The following GADL1 variants were observed in gnomAD, a reference collection of about 807,000 sequenced individuals.
The protein encoded by GADL1 is acidic amino acid decarboxylase GADL1.
GADL1 carries 71 observed loss-of-function variants against 69.5 expected under a neutral mutation model. The ratio of observed to expected loss-of-function variants is 1.02; its 90% confidence interval spans 0.84 to 1.25. GADL1 has a LOEUF of 1.25. Ranked by LOEUF, GADL1 falls within the 50% of genes most tolerant of loss-of-function variation. The pLI is 0.00. For synonymous variants in GADL1, 254 were observed against 214.4 expected, an observed-to-expected ratio of 1.18 and a Z score of -1.62; for missense variants, 737 against 631.8, an observed-to-expected ratio of 1.17 and a Z score of -1.79.
intron 13 of GADL1, among the ~76,000 whole-genome samples, chr3:30,780,774 TTTGAAAGC>T (rs1696649260): frequency 6.6e-6 from 1 of 152,208 alleles, no homozygotes; most frequent in African/African-American, 2.4e-5. Context: ...TGCTACAACA[TTTGAAAGC>T]TTATAAAGCC....
chr3:30,768,035 A>AAC (rs1696324670), intron 14 of GADL1, among the ~76,000 whole-genome samples: 5 of 142,756 alleles, frequency 3.5e-5, no homozygotes, highest in African/African-American at 5.4e-5. Context: ...AACTCCCCAT[A>AAC]CCCCCCCCCC....
intron 11 of GADL1, among the ~76,000 whole-genome samples, chr3:30,818,540 T>A (rs1486416075): frequency 6.6e-6 from 1 of 152,178 alleles, no homozygotes; most frequent in Non-Finnish European, 1.5e-5. Flanking sequence ...TATTTCATGT[T>A]ATTGTGAATT....
intron 11 of GADL1, among the ~76,000 whole-genome samples, chr3:30,805,081 CATA>C (rs1380946471): frequency 6.6e-6 from 1 of 152,194 alleles, no homozygotes; most frequent in Non-Finnish European, 1.5e-5. Context: ...ACCTAGCGCA[CATA>C]ATAATGACCA....
intron 2 of GADL1, among the ~76,000 whole-genome samples, chr3:30,858,224 A>G (rs934449947): frequency 3.9e-5 from 6 of 152,044 alleles, no homozygotes; most frequent in African/African-American, 1.4e-4. Context: ...GTGTTGAATA[A>G]CTGAATGGAT....
intron 11 of GADL1, among the ~76,000 whole-genome samples, chr3:30,830,946 T>G (rs1697778453): frequency 6.6e-6 from 1 of 151,716 alleles, no homozygotes; most frequent in Non-Finnish European, 1.5e-5. Context: ...TTCTCTCTCA[T>G]CTCCCATAAT....
At chr3:30,734,429 G>A (rs756586510) in intron 14 of GADL1, among the ~76,000 whole-genome samples, 1 of 152,178 alleles carries the variant, frequency 6.6e-6, no homozygotes, top group African/African-American at 2.4e-5. Context: ...TCCTTTACAC[G>A]TGCAGCTCAC....
At chr3:30,861,824 G>A (rs1698325636) in intron 1 of GADL1, 59 bp from the exon 2 acceptor site, 13 of 1,136,812 alleles carry the variant, frequency 1.1e-5, no homozygotes, top group Non-Finnish European at 1.6e-5. Context: ...ACATAACAAA[G>A]CACGGGACAA....
rs983522340 is a variant in GADL1, at chr3:30,861,022, A to G, written c.210+571T>C. On this transcript the variant is annotated intron_variant, in intron 2 of 14. Transcript: ENST00000282538. Reference sequence around the variant, plus strand: ...AGTAGATGTCATTAGCGGCGGTTCTAATATCAATTTGAATTGAATTTGAGC... The same window carrying G: ...AGTAGATGTCATTAGCGGCGGTTCTGATATCAATTTGAATTGAATTTGAGC... Among the ~76,000 whole-genome samples the G allele has an allele frequency of 7.9e-5, 12 of 152,122 alleles. No individual in the cohort carries two copies. In the East Asian group the frequency reaches 1.9e-3, roughly 25 times the overall value.
chr3:30,770,912 C>T (rs916382366), intron 14 of GADL1, among the ~76,000 whole-genome samples: 3 of 152,236 alleles, frequency 2.0e-5, no homozygotes, highest in Non-Finnish European at 4.4e-5. Context: ...AGTTACTATC[C>T]ACAAAACACA....
intron 14 of GADL1, among the ~76,000 whole-genome samples, chr3:30,765,182 A>C (rs304838): frequency 2.0e-4 from 31 of 152,016 alleles, no homozygotes; most frequent in African/African-American, 6.5e-4. Flanking sequence ...CTCCCCTAAC[A>C]TGTCTTCCTT....
intron 1 of GADL1, among the ~76,000 whole-genome samples, chr3:30,878,671 A>G (rs934189813): frequency 6.6e-6 from 1 of 151,906 alleles, no homozygotes; most frequent in African/African-American, 2.4e-5. Context: ...TGGCAACTGC[A>G]CTTATCCAAA....
intron 14 of GADL1, among the ~76,000 whole-genome samples, chr3:30,754,129 G>A (rs1695906426): frequency 6.6e-6 from 1 of 152,146 alleles, no homozygotes; most frequent in Non-Finnish European, 1.5e-5. Flanking sequence ...TCCCAAATAA[G>A]TAAAAACCCT....
At chr3:30,784,721 T>C (rs2125499027) in intron 13 of GADL1, among the ~76,000 whole-genome samples, 1 of 152,308 alleles carries the variant, frequency 6.6e-6, no homozygotes, top group African/African-American at 2.4e-5. Context: ...ATTCCTCTCT[T>C]CTCATGACAT....
intron 14 of GADL1, among the ~76,000 whole-genome samples, chr3:30,745,021 A>G (rs1188311930): frequency 3.9e-5 from 6 of 152,350 alleles, no homozygotes; most frequent in Non-Finnish European, 5.9e-5. Context: ...TCCAGGAGCC[A>G]TTGAAGAACA....
rs1289479426 is a variant in GADL1, at chr3:30,861,604, C to T, written c.199G>A (p.Val67Ile). 5.2e-6 allele frequency: 8 copies of T among 1,546,958 alleles called. No individual in the cohort carries two copies. In the East Asian group the frequency reaches 7.3e-5, roughly 14 times the overall value. ...GTTTTAATTTTTACCTTCTCATTGA[C>T]ATCTGTAGCTTTCAAAACCACCTCT... ...MEEVVLKATDVNEKVCEWRPP... is the reference protein window; with the variant it reads ...MEEVVLKATDINEKVCEWRPP... The change falls in exon 2 of 15, where the codon GTC becomes ATC. Residue 67 changes from valine (V) to isoleucine (I), a missense_variant. Coordinates refer to ENST00000282538, the MANE Select transcript of GADL1 (RefSeq NM_207359.3).
rs1250982754 is a variant in GADL1 at position 30,861,592 on chromosome 3, C to T, written c.210+1G>A. On this transcript the variant is annotated splice_donor_variant, in intron 2 of 14. Transcript: ENST00000282538. LOFTEE classifies it high-confidence loss of function. ...AATTTCTTACAGGTTTTAATTTTTA[C>T]CTTCTCATTGACATCTGTAGCTTTC... 7.1e-6 allele frequency: 11 copies of T among 1,540,060 alleles called. No homozygotes were observed. The South Asian group carries it at 1.1e-4, about 15-fold the overall frequency.
At chr3:30,752,041 C>CT (rs1695833368) in intron 14 of GADL1, among the ~76,000 whole-genome samples, 1 of 152,300 alleles carries the variant, frequency 6.6e-6, no homozygotes. Flanking sequence ...CAGAATGCTT[C>CT]TAAAGGCTAC....
At chr3:30,825,590 T>C (rs918664504) in intron 11 of GADL1, among the ~76,000 whole-genome samples, 8 of 151,932 alleles carry the variant, frequency 5.3e-5, no homozygotes, top group Non-Finnish European at 1.0e-4. Flanking sequence ...ACAAATAGAA[T>C]GATTTATTCC....
At position 30,769,376 on chromosome 3, in the gene GADL1, A is replaced by G. The variant is rs1244744085; in HGVS notation, c.1392+8803T>C. Among the ~76,000 whole-genome samples the G allele has an allele frequency of 2.0e-5, 3 of 152,198 alleles. No individual in the cohort carries two copies. The South Asian group carries it at 6.2e-4, about 32-fold the overall frequency. ...GCAGAAGTTCCAATGTCTGGAACGT[A>G]TGCACACACGCACACACACACACCC... On this transcript the variant is annotated intron_variant, in intron 14 of 14. Coordinates refer to ENST00000282538, the MANE Select transcript of GADL1 (RefSeq NM_207359.3).
Sources: gnomAD v4.1 joint callset for allele counts (sites outside exome capture counted in the v4.1 genomes callset) on GRCh38, gnomAD v4.1.1 for gene constraint, MANE v1.5 for transcripts, NCBI Gene and HGNC (gene_info 2026-07-23, HGNC 2026-07-21) for gene names.